The following FAT4 variants were observed in gnomAD, a reference collection of about 807,000 sequenced individuals.
FAT4 encodes FAT atypical cadherin 4.
In FAT4, 84 loss-of-function variants were observed where a neutral mutation model predicts 303.9. The observed-to-expected ratio is 0.28, with a 90% CI of 0.23 to 0.33. The LOEUF (loss-of-function observed/expected upper bound fraction) is 0.33. Among genes scored for constraint, FAT4 ranks in the 10% least tolerant of loss-of-function variants. The pLI is 1.00. For missense variants in FAT4, 6,005 were observed against 6,146.8 expected (o/e 0.98, Z 0.77); for synonymous variants, 2,307 against 2,298.8 (o/e 1.00, Z -0.10).
chr4:125,333,057 C>T (rs1453696315), intron 2 of FAT4, among the ~76,000 whole-genome samples: 1 of 151,566 alleles, frequency 6.6e-6, no homozygotes, highest in African/African-American at 2.4e-5. Flanking sequence ...ATATATACAA[C>T]AAAGAGATAC....
At chr4:125,421,400 A>C (rs1018924235) in intron 7 of FAT4, among the ~76,000 whole-genome samples, 4 of 152,294 alleles carry the variant, frequency 2.6e-5, no homozygotes, top group African/African-American at 9.6e-5. Flanking sequence ...GCTTGTTTTA[A>C]ATTTTATTAT....
chr4:125,375,953 T>TA (rs1325596467), intron 2 of FAT4, among the ~76,000 whole-genome samples: 4 of 152,230 alleles, frequency 2.6e-5, no homozygotes, highest in African/African-American at 2.4e-5. Context: ...TTGAGGCTTA[T>TA]AAAAGGTCAC....
Position 125,319,656 on chromosome 4 carries a change from C to T in FAT4, c.3245C>T (p.Ala1082Val), listed in dbSNP as rs533328224. The change falls in exon 2 of 18, where the codon GCT (alanine) becomes GTT (valine). Residue 1082 changes from alanine (A) to valine (V), a missense_variant. Physicochemically the swap from Ala to Val is moderately conservative, Grantham distance 64. Coordinates refer to ENST00000394329, the MANE Select transcript of FAT4 (RefSeq NM_001291303.3). ...ASDRAVEPLS[A>V]TVNVTVILED... ...GACAGAGCAGTGGAACCCCTTAGTG[C>T]TACTGTGAATGTTACTGTAATTTTA... The T allele has an allele frequency of 1.2e-6, 2 of 1,613,990 alleles. No individual in the cohort carries two copies. Among genetic ancestry groups the T allele is most frequent in the South Asian group, 2.2e-5 (2 of 91,064 alleles).
intron 2 of FAT4, among the ~76,000 whole-genome samples, chr4:125,336,040 G>A (rs1417727024): frequency 1.3e-5 from 2 of 152,038 alleles, no homozygotes; most frequent in Non-Finnish European, 2.9e-5. Flanking sequence ...CATGTAAATA[G>A]CTACTGTTCA....
intron 8 of FAT4, among the ~76,000 whole-genome samples, chr4:125,439,636 G>A (rs1403641995): frequency 4.6e-5 from 7 of 151,902 alleles, no homozygotes; most frequent in Non-Finnish European, 8.8e-5. Context: ...ACCGCGCCCC[G>A]GCCAGGAAAA....
intron 12 of FAT4, 30 bp from the exon 13 acceptor site, chr4:125,476,141 A>G: frequency 6.9e-7 from 1 of 1,450,598 alleles, no homozygotes; most frequent in Non-Finnish European, 9.6e-7. Flanking sequence ...TAGAACTCAA[A>G]GTTGAATGTT....
intron 3 of FAT4, 141 bp downstream of exon 3, chr4:125,399,056 A>C (rs960577627): frequency 2.1e-5 from 15 of 710,776 alleles, no homozygotes; most frequent in Admixed American, 1.2e-4. Flanking sequence ...TAATTCTTGA[A>C]ATGTAACATA....
At chr4:125,372,573 A>G (rs1733160365) in intron 2 of FAT4, among the ~76,000 whole-genome samples, 1 of 152,152 alleles carries the variant, frequency 6.6e-6, no homozygotes, top group Non-Finnish European at 1.5e-5. Context: ...AGAACATATT[A>G]CTGGTGAATG....
At chr4:125,367,703 T>C (rs1382164233) in intron 2 of FAT4, among the ~76,000 whole-genome samples, 1 of 152,164 alleles carries the variant, frequency 6.6e-6, no homozygotes, top group Non-Finnish European at 1.5e-5. Context: ...ATGGTTAAAA[T>C]GAAAAACCTT....
intron 17 of FAT4, 105 bp downstream of exon 17, chr4:125,487,711 T>A: frequency 9.0e-7 from 1 of 1,109,768 alleles, no homozygotes; most frequent in Non-Finnish European, 1.2e-6. Context: ...GAATCTCATA[T>A]ACAGAACAAT....
Position 125,318,490 on chromosome 4 carries a change from A to G in FAT4, c.2079A>G (p.Gln693=). 1.2e-6 allele frequency: 2 copies of G among 1,614,126 alleles called. No individual in the cohort carries two copies. Among genetic ancestry groups the G allele is most frequent in the South Asian group, 1.1e-5 (1 of 91,080 alleles). ...ACAGCCCTGTCTTCTACCCGGTCCA[A>G]TACTTTGCTCACATTAAGGAGAATG... The part of the protein sequence containing the change: ...NDNSPVFYPV[Q]YFAHIKENEP... The change falls in exon 2 of 18, where the codon CAA becomes CAG. Residue 693 remains glutamine, a synonymous_variant. Transcript: ENST00000394329.
chr4:125,358,191 C>T lies in FAT4; in HGVS notation c.5175+36605C>T, dbSNP rs952388731. On this transcript the variant is annotated intron_variant, in intron 2 of 17. Transcript: ENST00000394329. ...GAAACCTTATTATGGACAAATTTAC[C>T]TGTTATGTTAGGAGAAATGAGTTTC... Among the ~76,000 whole-genome samples the T allele has an allele frequency of 4.0e-5, 6 of 151,622 alleles. No homozygotes were observed. In the East Asian group the frequency reaches 5.8e-4, roughly 15 times the overall value.
intron 12 of FAT4, among the ~76,000 whole-genome samples, chr4:125,473,348 G>A (rs1290821499): frequency 2.0e-5 from 3 of 151,988 alleles, no homozygotes; most frequent in Non-Finnish European, 4.4e-5. Flanking sequence ...ATGAACATTA[G>A]TAGAGGTATA....
chr4:125,385,024 A>ATT lies in FAT4; in HGVS notation c.5176-13747_5176-13746dup, dbSNP rs70960372. ...TACATATATATATATATATATATAT[A>ATT]TTTTTTTTTTTTTTGAGATGGAGTG... is the stretch of plus-strand genomic sequence containing the variant. On this transcript the variant is annotated intron_variant, in intron 2 of 17. Transcript: ENST00000394329. 4.9e-4 allele frequency among the ~76,000 whole-genome samples: 46 copies of ATT among 94,428 alleles called. No individual in the cohort carries two copies. The East Asian group carries it at 6.7e-3, about 14-fold the overall frequency. 61.9% of individuals were successfully genotyped at this position (94,428 alleles called of 152,430 possible). A position where few individuals can be genotyped will look rare whatever the true frequency, so the allele number is the denominator to read the frequency against.
In FAT4 at chr4:125,407,025, A is replaced by G. The variant is rs753093416; in HGVS notation, c.5453A>G (p.Asp1818Gly). ...SKYSLLVRAD[D>G]GLQSSDMRIN... ...TATTCACTGCTAGTTCGTGCTGATG[A>G]TGGTCTTCAGTCCTCGGATATGAGA... Residue 1818 changes from aspartate (D) to glycine (G), a missense_variant, in exon 4 of 18, where the codon GAT (aspartate) becomes GGT (glycine). Physicochemically the swap from Asp to Gly is moderately conservative, Grantham distance 94 (BLOSUM62 -1). Coordinates refer to ENST00000394329, the MANE Select transcript of FAT4 (RefSeq NM_001291303.3). 6.2e-7 allele frequency: 1 copy of G among 1,613,864 alleles called. No homozygotes were observed. Among genetic ancestry groups the G allele is most frequent in the Non-Finnish European group, 8.5e-7 (1 of 1,179,878 alleles).
At chr4:125,353,586 G>A (rs1380786263) in intron 2 of FAT4, among the ~76,000 whole-genome samples, 1 of 151,482 alleles carries the variant, frequency 6.6e-6, no homozygotes, top group Non-Finnish European at 1.5e-5. Context: ...TGTCATTAGA[G>A]TAAAACAGTG....
chr4:125,343,523 A>G (rs1000188699), intron 2 of FAT4, among the ~76,000 whole-genome samples: 1 of 152,194 alleles, frequency 6.6e-6, no homozygotes, highest in African/African-American at 2.4e-5. Flanking sequence ...CTTAAATTTC[A>G]TCTCTTAATA....
chr4:125,325,700 A>C (rs1387683702), intron 2 of FAT4, among the ~76,000 whole-genome samples: 1 of 152,238 alleles, frequency 6.6e-6, no homozygotes, highest in African/African-American at 2.4e-5. Context: ...AGATTTGATA[A>C]AATTAATACG....
At chr4:125,481,400 G>T in intron 15 of FAT4, 121 bp from the exon 16 acceptor site, 1 of 736,492 alleles carries the variant, frequency 1.4e-6, no homozygotes, top group Non-Finnish European at 2.2e-6. Context: ...GTAGAGTTGG[G>T]GGACATTAAT....
Sources: gnomAD v4.1 joint callset for allele counts (sites outside exome capture counted in the v4.1 genomes callset) on GRCh38, gnomAD v4.1.1 for gene constraint, MANE v1.5 for transcripts, NCBI Gene and HGNC (gene_info 2026-07-23, HGNC 2026-07-21) for gene names.